MAPKAPK2: variants seen among roughly 807,000 people sequenced by gnomAD.
The protein encoded by MAPKAPK2 is MAPK activated protein kinase 2.
In MAPKAPK2, 9 loss-of-function variants were observed where a neutral mutation model predicts 48.8. That is an observed-to-expected ratio of 0.18 (90% confidence interval 0.11 to 0.32). The LOEUF (loss-of-function observed/expected upper bound fraction) is 0.32, where lower values mean the gene tolerates loss of function less well. Among genes scored for constraint, MAPKAPK2 ranks in the 10% least tolerant of loss-of-function variants. The pLI is 1.00. For synonymous variants in MAPKAPK2, 202 were observed against 190.6 expected (o/e 1.06, Z -0.49); for missense variants, 331 against 498.3 (o/e 0.66, Z 3.20).
intron 1 of MAPKAPK2, among the ~76,000 whole-genome samples, chr1:206,728,498 T>C (rs1553432126): frequency 1.3e-5 from 2 of 150,714 alleles, no homozygotes; most frequent in African/African-American, 4.9e-5. Flanking sequence ...AGTGTAGCTG[T>C]CAAGGCCCCA....
At chr1:206,700,965 A>T (rs1168867642) in intron 1 of MAPKAPK2, among the ~76,000 whole-genome samples, 1 of 152,186 alleles carries the variant, frequency 6.6e-6, no homozygotes, top group Non-Finnish European at 1.5e-5. Context: ...AGAACAGGGT[A>T]AAGTCCTTGG....
At chr1:206,689,311 G>C (rs1300874203) in intron 1 of MAPKAPK2, among the ~76,000 whole-genome samples, 1 of 152,138 alleles carries the variant, frequency 6.6e-6, no homozygotes, top group Non-Finnish European at 1.5e-5. Context: ...GGAGATGATT[G>C]GAGCCTCTCA....
rs373643187 is a variant in MAPKAPK2, at chr1:206,732,784, C to T, written c.*66C>T. ...TCTCTACAGGAATATATTTTTTAAA[C>T]GAAGAGACAGAACTGTCCACATCTG... On this transcript the variant is annotated 3_prime_UTR_variant, in exon 10 of 10. Coordinates refer to ENST00000367103, the MANE Select transcript of MAPKAPK2 (RefSeq NM_032960.4). The surrounding 1 kb of genome is among the most constrained non-coding windows in gnomAD (Gnocchi z 4.4). The T allele has an allele frequency of 1.1e-4, 166 of 1,570,888 alleles. No homozygotes were observed. The highest frequency in any genetic ancestry group is 1.0e-3 in the Middle Eastern group (6 of 5,822).
At chr1:206,724,518 C>T (rs1442276371) in intron 1 of MAPKAPK2, among the ~76,000 whole-genome samples, 1 of 149,946 alleles carries the variant, frequency 6.7e-6, no homozygotes, top group Non-Finnish European at 1.5e-5. Flanking sequence ...TTCTGATAAA[C>T]ATGTGCCTGG....
intron 1 of MAPKAPK2, among the ~76,000 whole-genome samples, chr1:206,688,968 A>G (rs545484467): frequency 8.5e-4 from 130 of 152,162 alleles, no homozygotes; most frequent in South Asian, 3.9e-3. Context: ...CCTAGTCTCA[A>G]CCCACTTGTG....
chr1:206,732,567 GC>G lies in MAPKAPK2; in HGVS notation c.1060-3del. 5 of 1,613,600 alleles carry G rather than the reference GC, an allele frequency of 3.1e-6. No individual in the cohort carries two copies. The highest frequency in any genetic ancestry group is 4.2e-6 in the Non-Finnish European group (5 of 1,179,924). ...TCTGTACCCTTCCTGGTGCTGCCGT[GC>G]CCCCAGGAGGAGATGACCAGTGCCT... On this transcript the variant is annotated splice_region_variant and splice_polypyrimidine_tract_variant and intron_variant, in intron 9 of 9. Coordinates refer to ENST00000367103, the MANE Select transcript of MAPKAPK2 (RefSeq NM_032960.4). The surrounding 1 kb of genome is among the most constrained non-coding windows in gnomAD (Gnocchi z 4.4).
At chr1:206,730,593 T>A in intron 5 of MAPKAPK2, 95 bp from the exon 6 acceptor site, 1 of 1,087,418 alleles carries the variant, frequency 9.2e-7, no homozygotes, top group South Asian at 1.3e-5. Flanking sequence ...CATGATAGGC[T>A]GAAAGGTTGG....
Position 206,731,326 on chromosome 1 carries a change from G to A in MAPKAPK2, c.892+64G>A, listed in dbSNP as rs1257699426. On this transcript the variant is annotated intron_variant, in intron 7 of 9. Coordinates refer to ENST00000367103, the MANE Select transcript of MAPKAPK2 (RefSeq NM_032960.4). This position sits in a 1 kb window ranked among gnomAD's most constrained non-coding sequence, Gnocchi z 5.9. ...TGTGTGTGTGTGTGTGTGTATGTGT[G>A]TACACGCAGACACATGTATGGGCCT... 3 of 1,602,824 alleles carry A rather than the reference G, an allele frequency of 1.9e-6. No homozygotes were observed. The highest frequency in any genetic ancestry group is 1.3e-5 in the African/African-American group (1 of 74,736).
intron 1 of MAPKAPK2, among the ~76,000 whole-genome samples, chr1:206,716,213 G>A (rs1673326587): frequency 6.6e-6 from 1 of 151,994 alleles, no homozygotes; most frequent in South Asian, 2.1e-4. Context: ...AATGTAGAGT[G>A]AGAATTTATT....
chr1:206,730,102 AGTCCACAGGGG>A lies in MAPKAPK2; in HGVS notation c.691+6_691+16del. On this transcript the variant is annotated splice_donor_5th_base_variant and intron_variant, in intron 5 of 9. Coordinates refer to ENST00000367103, the MANE Select transcript of MAPKAPK2 (RefSeq NM_032960.4). The stretch of plus-strand genomic sequence containing the variant: ...TGTTATACACCGTACTATGTGGGTA[AGTCCACAGGGG>A]GCCCAGGGACCTAGGCTTTTCCCAG... 6.2e-7 allele frequency: 1 copy of A among 1,614,234 alleles called. No individual in the cohort carries two copies. Among genetic ancestry groups the A allele is most frequent in the Non-Finnish European group, 8.5e-7 (1 of 1,180,036 alleles).
intron 1 of MAPKAPK2, among the ~76,000 whole-genome samples, chr1:206,724,497 C>T (rs1673643537): frequency 6.6e-6 from 1 of 151,714 alleles, no homozygotes; most frequent in Non-Finnish European, 1.5e-5. Context: ...TTTTCTTATC[C>T]AGTCAGGGAT....
At chr1:206,695,661 C>G (rs1553426906) in intron 1 of MAPKAPK2, among the ~76,000 whole-genome samples, 1 of 152,004 alleles carries the variant, frequency 6.6e-6, no homozygotes, top group African/African-American at 2.4e-5. Context: ...GCCTTTCGCA[C>G]CAAAAGTGGG....
chr1:206,729,564 T>A lies in MAPKAPK2; in HGVS notation c.564+89T>A, dbSNP rs1553432338. ...CCCAGAGATGGTTGCCAGGCCACCC[T>A]GCGTCCTTGCTGCCTGGTTCCTGAG... is the stretch of plus-strand genomic sequence containing the variant. On this transcript the variant is annotated intron_variant, in intron 4 of 9. Coordinates refer to ENST00000367103, the MANE Select transcript of MAPKAPK2 (RefSeq NM_032960.4). The A allele has an allele frequency of 2.7e-6, 3 of 1,105,624 alleles. No homozygotes were observed. In the Admixed American group the frequency reaches 5.3e-5, roughly 20 times the overall value. The allele number at this position is 1,105,624 out of a possible 1,614,324, so 68.5% of individuals were successfully genotyped here.
intron 1 of MAPKAPK2, among the ~76,000 whole-genome samples, chr1:206,703,488 G>C (rs1024631014): frequency 1.3e-5 from 2 of 152,146 alleles, no homozygotes; most frequent in Admixed American, 1.3e-4. Flanking sequence ...GAGCAGGTGG[G>C]AGGTGCTTCC....
chr1:206,732,448 T>G lies in MAPKAPK2; in HGVS notation c.1060-127T>G. On this transcript the variant is annotated intron_variant, in intron 9 of 9. Transcript: ENST00000367103. This position sits in a 1 kb window ranked among gnomAD's most constrained non-coding sequence, Gnocchi z 4.4. ...ACCACTAACCAGCCCGTCTTCTCTC[T>G]CTGCTCCCACCCCTGCCGCCCTCAC... 2 of 1,497,092 alleles carry G rather than the reference T, an allele frequency of 1.3e-6. No homozygotes were observed. Among genetic ancestry groups the G allele is most frequent in the Non-Finnish European group, 1.8e-6 (2 of 1,121,392 alleles). The allele number at this position is 1,497,092 out of a possible 1,614,324, so 92.7% of individuals were successfully genotyped here.
chr1:206,685,479 A>C lies in MAPKAPK2; in HGVS notation c.250A>C (p.Lys84Gln). ...CGGCAAAGTTTTGCAGATCTTCAAC[A>C]AGAGGACCCAGGAGAAATTCGCCCT... Reference protein sequence around the residue: ...INGKVLQIFNKRTQEKFALKM... With the variant: ...INGKVLQIFNQRTQEKFALKM... Residue 84 changes from lysine to glutamine, a missense_variant, in exon 1 of 10, where the codon AAG becomes CAG. Physicochemically the swap from Lys to Gln is moderately conservative, Grantham distance 53. Around this residue, in one of 4 missense-constraint regions of MAPKAPK2, gnomAD observed 111 missense variants for 193.6 expected, o/e 0.57. Coordinates refer to ENST00000367103, the MANE Select transcript of MAPKAPK2 (RefSeq NM_032960.4). The C allele has an allele frequency of 6.5e-7, 1 of 1,531,794 alleles. No homozygotes were observed. Among genetic ancestry groups the C allele is most frequent in the Non-Finnish European group, 8.8e-7 (1 of 1,134,176 alleles). The allele number at this position is 1,531,794 out of a possible 1,614,324, so 94.9% of individuals were successfully genotyped here.
intron 5 of MAPKAPK2, 99 bp from the exon 6 acceptor site, chr1:206,730,589 A>T: frequency 9.7e-7 from 1 of 1,028,890 alleles, no homozygotes; most frequent in Non-Finnish European, 1.5e-6. Context: ...ACCTCATGAT[A>T]GGCTGAAAGG....
At chr1:206,728,042 GCTGGTGAGAAGC>G in intron 1 of MAPKAPK2, among the ~76,000 whole-genome samples, 1 of 152,176 alleles carries the variant, frequency 6.6e-6, no homozygotes, top group Non-Finnish European at 1.5e-5. Flanking sequence ...AACCCCTGAG[GCTGGTGAGAAGC>G]CAGCCTCCTT....
chr1:206,721,730 C>T (rs1673523475), intron 1 of MAPKAPK2, among the ~76,000 whole-genome samples: 1 of 152,176 alleles, frequency 6.6e-6, no homozygotes, highest in Non-Finnish European at 1.5e-5. Flanking sequence ...GATGTTTCCT[C>T]CCAGGGTGGG....
Sources: allele counts gnomAD v4.1 joint callset (sites outside exome capture counted in the v4.1 genomes callset), GRCh38; gene constraint gnomAD v4.1.1; regional missense constraint gnomAD v4.1.1; non-coding constraint Gnocchi (gnomAD v3.1); transcripts MANE v1.5; gene names NCBI Gene and HGNC (gene_info 2026-07-23, HGNC 2026-07-21).